ZBTB20: variants seen among roughly 807,000 people sequenced by gnomAD.
ZBTB20 encodes the protein zinc finger and BTB domain-containing protein 20.
In ZBTB20, 9 loss-of-function variants were observed where a neutral mutation model predicts 56.9. The observed-to-expected ratio is 0.16, with a 90% CI of 0.10 to 0.28. The LOEUF (loss-of-function observed/expected upper bound fraction) is 0.28, where lower values mean the gene tolerates loss of function less well. Among genes scored for constraint, ZBTB20 ranks in the 10% least tolerant of loss-of-function variants. The probability of loss-of-function intolerance (pLI) is 1.00; values close to 1 mark genes in which losing one functional copy is unlikely to be tolerated. For synonymous variants in ZBTB20, 417 were observed against 420.7 expected, an observed-to-expected ratio of 0.99 and a Z score of 0.11; for missense variants, 655 against 1,003.0, an observed-to-expected ratio of 0.65 and a Z score of 4.69.
chr3:114,340,250 T>C (rs1326161462), intron 11 of ZBTB20, among the ~76,000 whole-genome samples: 1 of 152,074 alleles, frequency 6.6e-6, no homozygotes, highest in Non-Finnish European at 1.5e-5. Flanking sequence ...TATACAGTCC[T>C]ACTTACCTCA....
At chr3:114,806,740 C>T (rs1177652802) in intron 4 of ZBTB20, among the ~76,000 whole-genome samples, 2 of 151,836 alleles carry the variant, frequency 1.3e-5, no homozygotes, top group African/African-American at 4.8e-5. Context: ...CACATTTAGG[C>T]CCATGATTAA....
intron 7 of ZBTB20, among the ~76,000 whole-genome samples, chr3:114,437,024 C>G: frequency 6.6e-6 from 1 of 152,178 alleles, no homozygotes; most frequent in East Asian, 1.9e-4. Context: ...ACCACTTCAA[C>G]TCCAAGAGAG....
chr3:114,342,214 T>C (rs1702515972), intron 11 of ZBTB20, among the ~76,000 whole-genome samples: 1 of 152,236 alleles, frequency 6.6e-6, no homozygotes, highest in African/African-American at 2.4e-5. Context: ...AAGAAAATTT[T>C]TTTTCCCACT....
chr3:115,037,095 C>T (rs917851851), intron 2 of ZBTB20, among the ~76,000 whole-genome samples: 1 of 152,082 alleles, frequency 6.6e-6, no homozygotes, highest in Admixed American at 6.5e-5. Flanking sequence ...GTTTATTAAG[C>T]TTTTACTAAT....
intron 1 of ZBTB20, among the ~76,000 whole-genome samples, chr3:115,104,944 G>T (rs967538134): frequency 6.6e-6 from 1 of 152,116 alleles, no homozygotes; most frequent in Non-Finnish European, 1.5e-5. Flanking sequence ...TGGGGAGGCT[G>T]TGCATGTGTG....
chr3:115,075,655 A>G (rs2082569270), intron 1 of ZBTB20, among the ~76,000 whole-genome samples: 1 of 152,188 alleles, frequency 6.6e-6, no homozygotes, highest in Non-Finnish European at 1.5e-5. Context: ...AAGCACATAT[A>G]TGAAAAGGCT....
intron 4 of ZBTB20, among the ~76,000 whole-genome samples, chr3:114,807,534 T>C (rs1203041190): frequency 6.6e-6 from 1 of 151,794 alleles, no homozygotes; most frequent in Non-Finnish European, 1.5e-5. Flanking sequence ...GAATCTCCTG[T>C]ACAATGTTGA....
intron 2 of ZBTB20, among the ~76,000 whole-genome samples, chr3:115,017,206 A>G (rs971948175): frequency 6.6e-6 from 1 of 151,704 alleles, no homozygotes; most frequent in Admixed American, 6.6e-5. Context: ...ATCAATGTGC[A>G]AAAGTCGCTA....
intron 3 of ZBTB20, among the ~76,000 whole-genome samples, chr3:114,962,229 C>A (rs1409966553): frequency 6.6e-6 from 1 of 152,040 alleles, no homozygotes; most frequent in Non-Finnish European, 1.5e-5. Flanking sequence ...CATGATAGCA[C>A]TAAAATCTAG....
intron 6 of ZBTB20, among the ~76,000 whole-genome samples, chr3:114,604,655 C>A (rs916626675): frequency 1.3e-5 from 2 of 151,936 alleles, no homozygotes; most frequent in Non-Finnish European, 2.9e-5. Context: ...ACCGGTGCAG[C>A]CAATATCTGG....
chr3:114,770,763 C>T (rs541555660), intron 5 of ZBTB20, among the ~76,000 whole-genome samples: 12 of 152,088 alleles, frequency 7.9e-5, no homozygotes, highest in Non-Finnish European at 1.6e-4. Flanking sequence ...GCTTGAATAT[C>T]CTTTATCTAC....
At chr3:114,989,963 A>T (rs1437526181) in intron 2 of ZBTB20, among the ~76,000 whole-genome samples, 1 of 152,096 alleles carries the variant, frequency 6.6e-6, no homozygotes, top group Non-Finnish European at 1.5e-5. Context: ...GTATCCTGAG[A>T]CTTTGCTGAA....
intron 5 of ZBTB20, chr3:114,759,110 G>A (rs770065655): frequency 2.0e-5 from 3 of 152,114 alleles, no homozygotes; most frequent in Admixed American, 6.6e-5. Context: ...CCCTGACTGC[G>A]TCACGAGCAC....
chr3:114,634,992 G>C (rs982155466), intron 6 of ZBTB20, among the ~76,000 whole-genome samples: 10 of 152,180 alleles, frequency 6.6e-5, no homozygotes, highest in African/African-American at 1.9e-4. Context: ...GGGCAGAACT[G>C]AGGTTATTCT....
chr3:114,517,086 ATGAC>A (rs2046087354), intron 6 of ZBTB20, among the ~76,000 whole-genome samples: 1 of 152,236 alleles, frequency 6.6e-6, no homozygotes, highest in African/African-American at 2.4e-5. Context: ...TATTGAATGA[ATGAC>A]TAAGAACTTC....
chr3:114,819,373 G>C (rs1407893718), intron 4 of ZBTB20, among the ~76,000 whole-genome samples: 2 of 151,818 alleles, frequency 1.3e-5, no homozygotes, highest in African/African-American at 4.8e-5. Context: ...TAGTAAGTAG[G>C]TGACAAAAGC....
At chr3:114,529,273 CTGGCTGGA>C (rs1456772956) in intron 6 of ZBTB20, 3 of 152,180 alleles carry the variant, frequency 2.0e-5, no homozygotes, top group Non-Finnish European at 2.9e-5. Context: ...CACCAGATTT[CTGGCTGGA>C]TGTCACACCC....
At chr3:114,445,461 A>T (rs978846000) in intron 7 of ZBTB20, 2 of 152,170 alleles carry the variant, frequency 1.3e-5, no homozygotes, top group African/African-American at 2.4e-5. Flanking sequence ...GTTTCATTGT[A>T]GTTGCATTCG....
intron 2 of ZBTB20, among the ~76,000 whole-genome samples, chr3:115,047,995 C>A (rs2081395043): frequency 6.6e-6 from 1 of 151,418 alleles, no homozygotes; most frequent in Non-Finnish European, 1.5e-5. Flanking sequence ...CTGAGGCAGG[C>A]AGAACACGAG....
Sources: gnomAD v4.1 joint callset for allele counts (sites outside exome capture counted in the v4.1 genomes callset) on GRCh38, gnomAD v4.1.1 for gene constraint, MANE v1.5 for transcripts, NCBI Gene and HGNC (gene_info 2026-07-23, HGNC 2026-07-21) for gene names.